Variants in STK4 observed in about 807,000 individuals in gnomAD.
The protein encoded by STK4 is serine/threonine kinase 4.
A neutral mutation model predicts 64.9 loss-of-function variants in STK4; 30 were observed. The observed-to-expected ratio is 0.46, with a 90% CI of 0.35 to 0.63. STK4 has a LOEUF of 0.63. Ranked by LOEUF, STK4 falls within the 20% of genes least tolerant of loss-of-function variation. STK4 has a pLI of 0.01. For synonymous variants in STK4, 177 were observed against 199.0 expected, an observed-to-expected ratio of 0.89 and a Z score of 0.93; for missense variants, 466 against 598.5, an observed-to-expected ratio of 0.78 and a Z score of 2.31.
intron 10 of STK4, among the ~76,000 whole-genome samples, chr20:45,062,326 A>C (rs1979108968): frequency 6.6e-6 from 1 of 152,088 alleles, no homozygotes; most frequent in Non-Finnish European, 1.5e-5. Flanking sequence ...TTCTTTATCC[A>C]GTCTACCGTT....
chr20:45,011,315 A>G (rs191161115), intron 9 of STK4, among the ~76,000 whole-genome samples: 32 of 152,280 alleles, frequency 2.1e-4, no homozygotes, highest in African/African-American at 7.0e-4. Flanking sequence ...TCGTGTTCCC[A>G]TTTGAGTTCA....
chr20:44,982,863 C>T (rs2067465696), intron 4 of STK4, among the ~76,000 whole-genome samples: 1 of 148,274 alleles, frequency 6.7e-6, no homozygotes, highest in Non-Finnish European at 1.5e-5. Flanking sequence ...TTAATAGTAA[C>T]TATTAATAGA....
At chr20:44,972,853 G>C (rs1170479838) in intron 2 of STK4, 2 of 151,126 alleles carry the variant, frequency 1.3e-5, no homozygotes, top group African/African-American at 4.9e-5. Context: ...TTTTTGAATA[G>C]GCGATACAAT....
In STK4 at chr20:45,025,110, C is replaced by T; in HGVS notation, c.1285C>T (p.Gln429Ter). ...AAATTCTTCAGATTGGAAAATACCACAGGATGGAGACTACGAGTTTGTAAG... is the reference window on the plus strand; with the variant it reads ...AAATTCTTCAGATTGGAAAATACCATAGGATGGAGACTACGAGTTTGTAAG... ...LKNSSDWKIP[Q>*]DGDYEFLKSW... Residue 429 changes from glutamine to a stop codon, truncating the protein, a stop_gained, in exon 10 of 11, where the codon CAG becomes TAG. Transcript: ENST00000372806. LOFTEE classifies it high-confidence loss of function. 6.2e-7 allele frequency: 1 copy of T among 1,612,708 alleles called. No homozygotes were observed. The highest frequency in any genetic ancestry group is 1.3e-5 in the African/African-American group (1 of 74,994).
At position 44,997,198 on chromosome 20, in the gene STK4, T is replaced by A. The variant is rs918294118; in HGVS notation, c.723T>A (p.Pro241=). ...RAIFMIPTNP[P]PTFRKPELWS... is the part of the protein sequence containing the mutation. ...TCTTCATGATTCCTACAAATCCTCC[T>A]CCCACATTCCGAAAACCAGAGCTAT... Residue 241 remains proline (P), a synonymous_variant, in exon 7 of 11, where the codon CCT becomes CCA. Coordinates refer to ENST00000372806, the MANE Select transcript of STK4 (RefSeq NM_006282.5). 6.2e-7 allele frequency: 1 copy of A among 1,613,922 alleles called. No homozygotes were observed. Among genetic ancestry groups the A allele is most frequent in the Non-Finnish European group, 8.5e-7 (1 of 1,179,910 alleles).
At chr20:45,026,539 A>T (rs2068351504) in intron 10 of STK4, among the ~76,000 whole-genome samples, 1 of 152,148 alleles carries the variant, frequency 6.6e-6, no homozygotes, top group Non-Finnish European at 1.5e-5. Context: ...GAATGGCATC[A>T]ATAGGATGTG....
At chr20:45,061,035 T>A (rs1978950329) in intron 10 of STK4, among the ~76,000 whole-genome samples, 1 of 152,182 alleles carries the variant, frequency 6.6e-6, no homozygotes, top group Non-Finnish European at 1.5e-5. Flanking sequence ...GATGGGTTCT[T>A]GCTGTGGAGA....
chr20:45,030,244 T>C (rs567741004), intron 10 of STK4, among the ~76,000 whole-genome samples: 21 of 152,068 alleles, frequency 1.4e-4, no homozygotes, highest in Non-Finnish European at 2.6e-4. Flanking sequence ...TATCTGGGAT[T>C]ATAGGTGCCT....
In STK4 at chr20:45,001,193, G is replaced by A. The variant is rs2067832258; in HGVS notation, c.987G>A (p.Thr329=). The change falls in exon 9 of 11, where the codon ACG becomes ACA. Residue 329 remains threonine (T), a synonymous_variant. Transcript: ENST00000372806. ...NSEEDEMDSG[T]MVRAVGDEMG... is the part of the protein sequence containing the mutation. ...AAGAGGATGAAATGGATTCTGGCAC[G>A]ATGGTTCGAGCAGTGGGTGATGAGA... is the stretch of plus-strand genomic sequence containing the variant. 1.9e-6 allele frequency: 3 copies of A among 1,613,098 alleles called. No individual in the cohort carries two copies. Among genetic ancestry groups the A allele is most frequent in the South Asian group, 1.1e-5 (1 of 91,040 alleles).
chr20:45,016,616 G>C (rs1052488003), intron 9 of STK4, among the ~76,000 whole-genome samples: 1 of 152,146 alleles, frequency 6.6e-6, no homozygotes, highest in African/African-American at 2.4e-5. Context: ...CAGAACTCCT[G>C]ATGCCTGAAA....
intron 10 of STK4, among the ~76,000 whole-genome samples, chr20:45,074,573 T>C (rs1018814299): frequency 1.3e-5 from 2 of 151,816 alleles, no homozygotes; most frequent in Non-Finnish European, 2.9e-5. Flanking sequence ...CGATCCTCCA[T>C]GGTGTCGTAT....
At chr20:45,056,341 G>A (rs1978482537) in intron 10 of STK4, among the ~76,000 whole-genome samples, 1 of 152,200 alleles carries the variant, frequency 6.6e-6, no homozygotes, top group Admixed American at 6.5e-5. Context: ...GAATGGAATT[G>A]TGCAGTATAT....
At chr20:45,065,141 G>T (rs891711315) in intron 10 of STK4, among the ~76,000 whole-genome samples, 3 of 146,466 alleles carry the variant, frequency 2.0e-5, no homozygotes, top group Non-Finnish European at 3.0e-5. Context: ...GTTTGTTGAG[G>T]TTTTTTTTTT....
intron 10 of STK4, among the ~76,000 whole-genome samples, chr20:45,060,597 T>C (rs1258066098): frequency 1.3e-5 from 2 of 152,080 alleles, no homozygotes. Context: ...ACTTACAACC[T>C]CTGGGACCAG....
chr20:44,974,904 T>C (rs990785187), intron 2 of STK4: 1 of 152,242 alleles, frequency 6.6e-6, no homozygotes, highest in Non-Finnish European at 1.5e-5. Flanking sequence ...GAGGATCATA[T>C]GGATCTGTGG....
At chr20:45,037,542 TA>T (rs2068546743) in intron 10 of STK4, among the ~76,000 whole-genome samples, 4 of 152,152 alleles carry the variant, frequency 2.6e-5, no homozygotes, top group Admixed American at 2.6e-4. Flanking sequence ...ATTAATTTGA[TA>T]AAAGTAACAG....
intron 9 of STK4, among the ~76,000 whole-genome samples, chr20:45,016,929 G>C (rs1224228000): frequency 6.6e-6 from 1 of 152,156 alleles, no homozygotes; most frequent in African/African-American, 2.4e-5. Context: ...TTTCTCTGTT[G>C]CTCTAAGCTT....
chr20:44,966,764 G>A (rs2067157832), intron 1 of STK4, among the ~76,000 whole-genome samples, 161 bp downstream of exon 1: 1 of 152,202 alleles, frequency 6.6e-6, no homozygotes, highest in Non-Finnish European at 1.5e-5. Flanking sequence ...GTGAGGGTCC[G>A]GCTGAGGGGA....
intron 9 of STK4, 54 bp from the exon 10 acceptor site, chr20:45,024,919 C>T (rs989049335): frequency 6.9e-7 from 1 of 1,454,246 alleles, no homozygotes; most frequent in African/African-American, 1.4e-5. Context: ...ATTTATTAAA[C>T]TTACCTAAAA....
Sources: gnomAD v4.1 joint callset for allele counts (sites outside exome capture counted in the v4.1 genomes callset) on GRCh38, gnomAD v4.1.1 for gene constraint, MANE v1.5 for transcripts, NCBI Gene and HGNC (gene_info 2026-07-23, HGNC 2026-07-21) for gene names.